The following AGBL1 variants were observed in gnomAD, a reference collection of about 807,000 sequenced individuals.
The protein encoded by AGBL1 is AGBL carboxypeptidase 1.
In AGBL1, 130 loss-of-function variants were observed where a neutral mutation model predicts 118.9. The observed-to-expected ratio is 1.09, with a 90% CI of 0.95 to 1.26. The LOEUF (loss-of-function observed/expected upper bound fraction) is 1.26. Among genes scored for constraint, AGBL1 ranks in the 50% most tolerant of loss-of-function variants. The pLI is 0.00. For synonymous variants in AGBL1, 555 were observed against 478.9 expected, an observed-to-expected ratio of 1.16 and a Z score of -2.08; for missense variants, 1,584 against 1,298.1, an observed-to-expected ratio of 1.22 and a Z score of -3.38.
At chr15:86,164,448 C>T (rs2077309220) in intron 5 of AGBL1, among the ~76,000 whole-genome samples, 1 of 152,146 alleles carries the variant, frequency 6.6e-6, no homozygotes, top group Non-Finnish European at 1.5e-5. Context: ...ATCTTGTGAC[C>T]TTAGGAAAGC....
Position 86,208,404 on chromosome 15 carries a change from C to T in AGBL1, c.489-16510C>T, listed in dbSNP as rs539811919. 4.6e-5 allele frequency among the ~76,000 whole-genome samples: 7 copies of T among 152,120 alleles called. No individual in the cohort carries two copies. The South Asian group carries it at 1.5e-3, about 32-fold the overall frequency. ...AGTTTCAGAATGAATGATACCAGCT[C>T]CTCTTTGTACCTCTGGTAGAATTTG... On this transcript the variant is annotated intron_variant, in intron 5 of 22. Transcript: ENST00000614907.
chr15:86,301,723 A>G (rs2079750486), intron 17 of AGBL1, among the ~76,000 whole-genome samples: 1 of 150,124 alleles, frequency 6.7e-6, no homozygotes, highest in Admixed American at 6.7e-5. Context: ...TAATACAGAA[A>G]GTTTTAACAG....
rs115171837 is a variant in AGBL1, at chr15:86,706,073, C to G, written c.3158+31637C>G. Among the ~76,000 whole-genome samples the G allele has an allele frequency of 9.3e-3, 1,420 of 152,072 alleles. 20 individuals carry two copies. Among genetic ancestry groups the G allele is most frequent in the African/African-American group, 0.032 (1,332 of 41,510 alleles). On this transcript the variant is annotated intron_variant, in intron 22 of 22. Transcript: ENST00000614907. ...TTTAATTTCATGGCTTAATTTCCATCTGAAATCAATTATTAAATAACGTCT... is the reference window on the plus strand; with the variant it reads ...TTTAATTTCATGGCTTAATTTCCATGTGAAATCAATTATTAAATAACGTCT...
At chr15:86,807,514 A>G (rs571274446) in intron 22 of AGBL1, among the ~76,000 whole-genome samples, 6 of 152,152 alleles carry the variant, frequency 3.9e-5, no homozygotes, top group African/African-American at 1.2e-4. Flanking sequence ...TCTGTTTCTT[A>G]GCAAAAGTGG....
At chr15:86,292,549 A>G (rs1645178976) in intron 16 of AGBL1, among the ~76,000 whole-genome samples, 1 of 152,196 alleles carries the variant, frequency 6.6e-6, no homozygotes, top group Non-Finnish European at 1.5e-5. Flanking sequence ...GTAGTAGGAA[A>G]CTAATTTACT....
chr15:86,852,630 G>T (rs1323518450), intron 22 of AGBL1, among the ~76,000 whole-genome samples: 1 of 152,064 alleles, frequency 6.6e-6, no homozygotes, highest in Non-Finnish European at 1.5e-5. Context: ...ATTCCTTGAG[G>T]GGTTCTAAAT....
At chr15:86,409,455 A>G (rs1596078758) in intron 18 of AGBL1, among the ~76,000 whole-genome samples, 1 of 151,824 alleles carries the variant, frequency 6.6e-6, no homozygotes, top group African/African-American at 2.4e-5. Context: ...CCTCACATAC[A>G]CCCCATTCCC....
rs919184266 is a variant in AGBL1 at position 86,910,077 on chromosome 15, T to C, written c.*2783T>C. On this transcript the variant is annotated 3_prime_UTR_variant, in exon 23 of 23. Transcript: ENST00000614907. ...CAATAAACATTCTAAGTTAATGCAG[T>C]ATGGCCCATGCCATTATGGAACTCT... The C allele has an allele frequency of 5.3e-5, 8 of 152,268 alleles. No homozygotes were observed. The highest frequency in any genetic ancestry group is 1.7e-4 in the African/African-American group (7 of 41,462). The allele number at this position is 152,268 out of a possible 1,614,324, so 9.4% of individuals were successfully genotyped here. A position where few individuals can be genotyped will look rare whatever the true frequency, so the allele number is the denominator to read the frequency against.
chr15:86,345,435 C>T (rs1487150632), intron 17 of AGBL1, among the ~76,000 whole-genome samples: 1 of 152,142 alleles, frequency 6.6e-6, no homozygotes, highest in African/African-American at 2.4e-5. Context: ...GTGAACACAA[C>T]AGAAATTTAT....
At chr15:86,079,784 C>T (rs545739597), upstream of AGBL1, 8 of 393,338 alleles carry the variant, frequency 2.0e-5, no homozygotes, top group South Asian at 4.3e-4. Flanking sequence ...CAGTGGGAGT[C>T]GGTGGGTATT....
At chr15:86,702,379 G>C (rs953449275) in intron 22 of AGBL1, among the ~76,000 whole-genome samples, 3 of 152,140 alleles carry the variant, frequency 2.0e-5, no homozygotes, top group Non-Finnish European at 4.4e-5. Context: ...GATTTGTTCA[G>C]TGTTATGTAG....
At chr15:86,198,044 G>A (rs2077843441) in intron 5 of AGBL1, among the ~76,000 whole-genome samples, 2 of 152,336 alleles carry the variant, frequency 1.3e-5, no homozygotes, top group Middle Eastern at 3.4e-3. Context: ...TCTTCCTGGA[G>A]TGTTGGGGCA....
intron 15 of AGBL1, among the ~76,000 whole-genome samples, chr15:86,273,495 G>C (rs2079194857): frequency 6.6e-6 from 1 of 152,164 alleles, no homozygotes; most frequent in African/African-American, 2.4e-5. Context: ...TAACAACAGG[G>C]TAGATATGTG....
intron 22 of AGBL1, among the ~76,000 whole-genome samples, chr15:86,837,569 G>C (rs542666059): frequency 1.3e-5 from 2 of 152,192 alleles, no homozygotes; most frequent in African/African-American, 4.8e-5. Flanking sequence ...AATATTTGCT[G>C]TCTGACCCTT....
At chr15:86,904,704 C>T (rs566175903) in intron 22 of AGBL1, among the ~76,000 whole-genome samples, 29 of 149,342 alleles carry the variant, frequency 1.9e-4, no homozygotes, top group African/African-American at 6.8e-4. Flanking sequence ...AATGACAAAA[C>T]CATATTTGTT....
At chr15:86,743,017 C>T (rs967197255) in intron 22 of AGBL1, among the ~76,000 whole-genome samples, 1 of 151,956 alleles carries the variant, frequency 6.6e-6, no homozygotes, top group African/African-American at 2.4e-5. Flanking sequence ...TTTTGTAGCA[C>T]CTAGATGAAA....
chr15:86,382,444 A>C (rs1319700467), intron 17 of AGBL1, among the ~76,000 whole-genome samples: 1 of 152,066 alleles, frequency 6.6e-6, no homozygotes, highest in African/African-American at 2.4e-5. Context: ...GATTCCACAC[A>C]TCCTAGGAGT....
chr15:86,775,134 T>G (rs2078236657), intron 22 of AGBL1, among the ~76,000 whole-genome samples: 3 of 152,108 alleles, frequency 2.0e-5, no homozygotes, highest in Non-Finnish European at 4.4e-5. Context: ...AACAAATGAT[T>G]TGAAGGGTCA....
At chr15:86,272,143 C>G (rs555213019) in intron 15 of AGBL1, among the ~76,000 whole-genome samples, 118 of 152,248 alleles carry the variant, frequency 7.8e-4, no homozygotes, top group African/African-American at 2.8e-3. Context: ...GACAATTACA[C>G]ATAAGTAACT....
Sources: gnomAD v4.1 joint callset for allele counts (sites outside exome capture counted in the v4.1 genomes callset) on GRCh38, gnomAD v4.1.1 for gene constraint, MANE v1.5 for transcripts, NCBI Gene and HGNC (gene_info 2026-07-23, HGNC 2026-07-21) for gene names.